The following AGPS variants were observed in gnomAD, a reference collection of about 807,000 sequenced individuals.
The protein encoded by AGPS is alkylglycerone phosphate synthase.
In AGPS, 26 loss-of-function variants were observed where a neutral mutation model predicts 90.7. That is an observed-to-expected ratio of 0.29 (90% confidence interval 0.21 to 0.40). AGPS has a LOEUF of 0.40. Among genes scored for constraint, AGPS ranks in the 10% least tolerant of loss-of-function variants. The pLI is 1.00. For missense variants in AGPS, 540 were observed against 816.1 expected (o/e 0.66, Z 4.12); for synonymous variants, 294 against 285.3 (o/e 1.03, Z -0.31).
Position 177,516,869 on chromosome 2 carries a change from C to T in AGPS, c.1697+2961C>T, listed in dbSNP as rs114182388. 2.5e-3 allele frequency among the ~76,000 whole-genome samples: 384 copies of T among 152,100 alleles called. 4 individuals carry two copies. The highest frequency in any genetic ancestry group is 8.7e-3 in the African/African-American group (363 of 41,522). ...TGCCCTTGGAGTTAAAATGGTTCTC[C>T]GTTGTTTCTTAAACTTTGTATATCT... is the stretch of plus-strand genomic sequence containing the variant. On this transcript the variant is annotated intron_variant, in intron 17 of 19. Transcript: ENST00000264167.
chr2:177,441,640 C>T (rs1163152993), intron 6 of AGPS, among the ~76,000 whole-genome samples: 1 of 152,158 alleles, frequency 6.6e-6, no homozygotes, highest in Admixed American at 6.5e-5. Context: ...GATTAACACC[C>T]CCTGTACTTC....
intron 8 of AGPS, among the ~76,000 whole-genome samples, chr2:177,446,400 T>C (rs569760839): frequency 2.6e-5 from 4 of 152,048 alleles, no homozygotes; most frequent in Non-Finnish European, 4.4e-5. Context: ...CTCGGCCTCC[T>C]GAAGTGTTGG....
intron 1 of AGPS, among the ~76,000 whole-genome samples, chr2:177,406,280 A>C (rs577500520): frequency 4.0e-4 from 61 of 152,340 alleles, no homozygotes; most frequent in African/African-American, 1.4e-3. Context: ...GTTCAGAGAA[A>C]GTGTCAGTAC....
chr2:177,410,711 C>T (rs1451367168), intron 1 of AGPS, among the ~76,000 whole-genome samples: 3 of 152,144 alleles, frequency 2.0e-5, no homozygotes, highest in Admixed American at 6.5e-5. Context: ...GAGAAGGCCA[C>T]ACCAGTGTCC....
chr2:177,489,635 A>T (rs1221232108), intron 11 of AGPS, among the ~76,000 whole-genome samples: 3 of 152,314 alleles, frequency 2.0e-5, no homozygotes, highest in Admixed American at 6.5e-5. Flanking sequence ...AAGTATACTG[A>T]TATTTCTGTA....
At chr2:177,528,682 T>C (rs1309461741) in intron 19 of AGPS, among the ~76,000 whole-genome samples, 2 of 152,160 alleles carry the variant, frequency 1.3e-5, no homozygotes, top group Non-Finnish European at 2.9e-5. Context: ...TGTTTGTCAC[T>C]GTATTTCTCA....
At chr2:177,409,922 A>G (rs1437715012) in intron 1 of AGPS, among the ~76,000 whole-genome samples, 1 of 152,204 alleles carries the variant, frequency 6.6e-6, no homozygotes, top group Non-Finnish European at 1.5e-5. Flanking sequence ...GGCCCTGACT[A>G]TCTGCTTGAT....
chr2:177,407,792 C>CTT (rs66559811), intron 1 of AGPS, among the ~76,000 whole-genome samples: 4 of 139,302 alleles, frequency 2.9e-5, no homozygotes, highest in African/African-American at 8.0e-5. Flanking sequence ...AACAAATTTC[C>CTT]TTTTTTTTTT....
chr2:177,499,616 A>G lies in AGPS; in HGVS notation c.1363-2A>G. 6.4e-7 allele frequency: 1 copy of G among 1,554,730 alleles called. No homozygotes were observed. Among genetic ancestry groups the G allele is most frequent in the Non-Finnish European group, 8.8e-7 (1 of 1,139,958 alleles). ...TAATAATAAATTTTTTTTTTTTTGTAGTTTAAAGGATTTGACCCAAATCAG... is the reference window on the plus strand; with the variant it reads ...TAATAATAAATTTTTTTTTTTTTGTGGTTTAAAGGATTTGACCCAAATCAG... On this transcript the variant is annotated splice_acceptor_variant, in intron 13 of 19. Coordinates refer to ENST00000264167, the MANE Select transcript of AGPS (RefSeq NM_003659.4). LOFTEE classifies it high-confidence loss of function.
Position 177,455,331 on chromosome 2 carries a change from T to G in AGPS, c.871-6562T>G, listed in dbSNP as rs143288310. Among the ~76,000 whole-genome samples, 243 of 152,354 alleles carry G rather than the reference T, an allele frequency of 1.6e-3. 1 individual carries two copies. The highest frequency in any genetic ancestry group is 0.01 in the Middle Eastern group (3 of 294). ...AATCTCAACTCAGTGTTTGCCAAGTTGTGCCTGGATTCTGTTTCTGTGGAG... is the reference window on the plus strand; with the variant it reads ...AATCTCAACTCAGTGTTTGCCAAGTGGTGCCTGGATTCTGTTTCTGTGGAG... On this transcript the variant is annotated intron_variant, in intron 8 of 19. Transcript: ENST00000264167.
chr2:177,427,779 T>C (rs1179893489), intron 2 of AGPS, among the ~76,000 whole-genome samples: 1 of 152,176 alleles, frequency 6.6e-6, no homozygotes, highest in Non-Finnish European at 1.5e-5. Flanking sequence ...GTAAGTGTTG[T>C]GGCGATGAGA....
At chr2:177,505,686 G>A (rs1574017890) in intron 15 of AGPS, 111 bp downstream of exon 15, 2 of 954,602 alleles carry the variant, frequency 2.1e-6, no homozygotes, top group East Asian at 2.5e-5. Flanking sequence ...TTAAGCTACT[G>A]TAATTTAGCA....
chr2:177,399,385 C>T (rs1211722568), intron 1 of AGPS, among the ~76,000 whole-genome samples: 1 of 152,108 alleles, frequency 6.6e-6, no homozygotes, highest in Non-Finnish European at 1.5e-5. Context: ...TTAGTGTTCT[C>T]TTTATTTGTT....
intron 1 of AGPS, among the ~76,000 whole-genome samples, chr2:177,397,772 TAATCCCA>T (rs1300681746): frequency 6.6e-6 from 1 of 152,206 alleles, no homozygotes; most frequent in Non-Finnish European, 1.5e-5. Flanking sequence ...TCACACCCCA[TAATCCCA>T]GCACTTTGGG....
At chr2:177,497,583 G>A in intron 12 of AGPS, 106 bp from the exon 13 acceptor site, 1 of 483,750 alleles carries the variant, frequency 2.1e-6, no homozygotes, top group South Asian at 4.5e-5. Context: ...AAAAATTAAA[G>A]TTGTGAAAAC....
intron 1 of AGPS, among the ~76,000 whole-genome samples, chr2:177,415,181 C>T (rs2068688457): frequency 6.6e-6 from 1 of 152,094 alleles, no homozygotes; most frequent in Non-Finnish European, 1.5e-5. Context: ...TCATGGAATG[C>T]ATTTTCCACA....
At chr2:177,445,864 T>A (rs1038072425) in intron 8 of AGPS, among the ~76,000 whole-genome samples, 1 of 152,182 alleles carries the variant, frequency 6.6e-6, no homozygotes, top group Non-Finnish European at 1.5e-5. Flanking sequence ...TAGCTTAGAT[T>A]AGGACAGAAA....
rs765220098 is a variant in AGPS, at chr2:177,508,002, A to C, written c.1578A>C (p.Glu526Asp). The C allele has an allele frequency of 6.2e-7, 1 of 1,613,138 alleles. No individual in the cohort carries two copies. Reference protein sequence around the residue: ...DLALEYYVLGESFETSAPWDR... With the variant: ...DLALEYYVLGDSFETSAPWDR... ...CTTTGGAATACTATGTATTAGGAGA[A>C]TCTTTTGAGACTTCTGCTCCTTGGG... Residue 526 changes from glutamate (E) to aspartate (D), a missense_variant, in exon 16 of 20, where the codon GAA (glutamate) becomes GAC (aspartate). Around this residue, in one of 2 missense-constraint regions of AGPS, gnomAD observed 405 missense variants for 692.1 expected, o/e 0.59. Coordinates refer to ENST00000264167, the MANE Select transcript of AGPS (RefSeq NM_003659.4).
chr2:177,485,273 C>T (rs1688061927), intron 11 of AGPS, among the ~76,000 whole-genome samples: 1 of 152,118 alleles, frequency 6.6e-6, no homozygotes, highest in South Asian at 2.1e-4. Context: ...TTTCTTGATG[C>T]TCCATCTACT....
Sources: allele counts gnomAD v4.1 joint callset (sites outside exome capture counted in the v4.1 genomes callset), GRCh38; gene constraint gnomAD v4.1.1; regional missense constraint gnomAD v4.1.1; transcripts MANE v1.5; gene names NCBI Gene and HGNC (gene_info 2026-07-23, HGNC 2026-07-21).